Variants in ACER3 observed in about 807,000 individuals in gnomAD.
The protein encoded by ACER3 is alkCDase 3.
Under a neutral mutation model 48.9 loss-of-function variants are expected in ACER3, and 16 were observed. The ratio of observed to expected loss-of-function variants is 0.33; its 90% confidence interval spans 0.22 to 0.50. The LOEUF (loss-of-function observed/expected upper bound fraction) is 0.50. ACER3 is among the 20% of genes least tolerant of loss of function. The pLI is 0.98. For missense variants in ACER3, 227 were observed against 326.0 expected (o/e 0.70, Z 2.34); for synonymous variants, 109 against 107.8 (o/e 1.01, Z -0.07).
At chr11:76,932,200 G>T (rs373454447) in intron 2 of ACER3, among the ~76,000 whole-genome samples, 1 of 151,912 alleles carries the variant, frequency 6.6e-6, no homozygotes, top group South Asian at 2.1e-4. Flanking sequence ...TCTTCCTGCC[G>T]TGGCCTCCCA....
chr11:76,959,850 G>A (rs889440237), intron 3 of ACER3, among the ~76,000 whole-genome samples: 6 of 151,852 alleles, frequency 4.0e-5, no homozygotes, highest in African/African-American at 1.5e-4. Context: ...CACCGCACCC[G>A]GCCGTTAGTG....
intron 4 of ACER3, among the ~76,000 whole-genome samples, chr11:76,978,867 T>C (rs1241544806): frequency 1.3e-5 from 2 of 152,214 alleles, no homozygotes; most frequent in East Asian, 3.9e-4. Flanking sequence ...ACGGTGTATC[T>C]GATCAAACCG....
At chr11:76,997,862 C>T (rs1017178960) in intron 6 of ACER3, among the ~76,000 whole-genome samples, 25 of 152,048 alleles carry the variant, frequency 1.6e-4, no homozygotes, top group African/African-American at 5.6e-4. Flanking sequence ...CAAAATAAAA[C>T]TTAATGAAAA....
intron 6 of ACER3, among the ~76,000 whole-genome samples, chr11:76,991,094 G>A (rs1288956496): frequency 2.0e-5 from 3 of 152,078 alleles, no homozygotes; most frequent in Admixed American, 1.3e-4. Context: ...CCATGTGCCT[G>A]GTACTATGCT....
chr11:76,986,698 G>A (rs541256294), intron 5 of ACER3, among the ~76,000 whole-genome samples: 1 of 152,194 alleles, frequency 6.6e-6, no homozygotes, highest in African/African-American at 2.4e-5. Flanking sequence ...AATGAGTCTA[G>A]TGAATTAGAC....
intron 1 of ACER3, among the ~76,000 whole-genome samples, chr11:76,865,793 G>A (rs1404353059): frequency 1.3e-5 from 2 of 149,044 alleles, no homozygotes; most frequent in African/African-American, 4.9e-5. Flanking sequence ...ACAGGTGTGA[G>A]CCACCTTGCC....
intron 1 of ACER3, among the ~76,000 whole-genome samples, chr11:76,924,992 A>AAAAAAC: frequency 6.7e-6 from 1 of 148,660 alleles, no homozygotes; most frequent in Non-Finnish European, 1.5e-5. Context: ...AAAAAAAAAA[A>AAAAAAC]ACACCAAAAA....
At chr11:76,922,692 A>G (rs1026923943) in intron 1 of ACER3, among the ~76,000 whole-genome samples, 1 of 152,210 alleles carries the variant, frequency 6.6e-6, no homozygotes, top group Non-Finnish European at 1.5e-5. Flanking sequence ...CTATAAGGAC[A>G]GATAGACCTG....
chr11:77,004,737 G>A (rs1028236851), intron 7 of ACER3, among the ~76,000 whole-genome samples: 1 of 152,078 alleles, frequency 6.6e-6, no homozygotes, highest in Non-Finnish European at 1.5e-5. Flanking sequence ...TATTAGCATA[G>A]CATTGTTTCG....
At chr11:76,934,314 C>T (rs1022790374) in intron 2 of ACER3, among the ~76,000 whole-genome samples, 5 of 152,196 alleles carry the variant, frequency 3.3e-5, no homozygotes, top group African/African-American at 1.2e-4. Context: ...GCAATCTCGG[C>T]ACTTTGGGAG....
intron 1 of ACER3, among the ~76,000 whole-genome samples, chr11:76,892,471 G>A (rs994390607): frequency 2.0e-5 from 3 of 152,102 alleles, no homozygotes; most frequent in Non-Finnish European, 4.4e-5. Flanking sequence ...TATTTTAGTT[G>A]GATCACAGAG....
chr11:76,983,993 T>C (rs1325615398), intron 4 of ACER3, among the ~76,000 whole-genome samples: 1 of 152,084 alleles, frequency 6.6e-6, no homozygotes, highest in African/African-American at 2.4e-5. Context: ...TTTCACTGTG[T>C]TGGCCAGACT....
intron 1 of ACER3, among the ~76,000 whole-genome samples, chr11:76,926,264 G>A (rs751401341): frequency 2.0e-5 from 3 of 152,150 alleles, no homozygotes; most frequent in Non-Finnish European, 4.4e-5. Context: ...CTGTATCTCT[G>A]AGGTTCTTCC....
chr11:76,940,978 A>AG (rs1213941978), intron 2 of ACER3, among the ~76,000 whole-genome samples: 2 of 151,356 alleles, frequency 1.3e-5, no homozygotes, highest in Non-Finnish European at 2.9e-5. Flanking sequence ...TTTTACACTG[A>AG]GTTAAGTCTC....
chr11:76,974,959 C>T (rs1285412697), intron 3 of ACER3, among the ~76,000 whole-genome samples: 18 of 152,218 alleles, frequency 1.2e-4, no homozygotes, highest in African/African-American at 3.4e-4. Context: ...AGTGAGACTC[C>T]GTCTCAAACA....
rs1250266501 is a variant in ACER3, at chr11:76,990,591, T to G, written c.438+17T>G. On this transcript the variant is annotated intron_variant, in intron 6 of 10. Transcript: ENST00000532485. Reference sequence around the variant, plus strand: ...TTCCATCAGGTAATTTTTTGTAAATTATTACACATTAGATTGTTTACGATA... The same window carrying G: ...TTCCATCAGGTAATTTTTTGTAAATGATTACACATTAGATTGTTTACGATA... The G allele has an allele frequency of 7.2e-7, 1 of 1,397,140 alleles. No homozygotes were observed. The highest frequency in any genetic ancestry group is 1.2e-5 in the South Asian group (1 of 86,734). 86.5% of individuals were successfully genotyped at this position (1,397,140 alleles called of 1,614,324 possible).
intron 4 of ACER3, chr11:76,978,662 TC>T (rs1344393744): frequency 6.5e-6 from 1 of 153,158 alleles, no homozygotes; most frequent in Non-Finnish European, 1.5e-5. Flanking sequence ...CATATCCCTC[TC>T]CCCAGCTTGC....
At chr11:76,984,067 C>T (rs1211035480) in intron 4 of ACER3, among the ~76,000 whole-genome samples, 4 of 152,144 alleles carry the variant, frequency 2.6e-5, no homozygotes, top group Admixed American at 2.6e-4. Context: ...GGATTACAGG[C>T]GTGAGCCACC....
chr11:76,868,359 A>C (rs1270980891), intron 1 of ACER3: 19 of 1,121,680 alleles, frequency 1.7e-5, no homozygotes, highest in Non-Finnish European at 2.0e-5. Flanking sequence ...AGTGTACAAA[A>C]GAGTTTAGTT....
Sources: allele counts gnomAD v4.1 joint callset (sites outside exome capture counted in the v4.1 genomes callset), GRCh38; gene constraint gnomAD v4.1.1; transcripts MANE v1.5; gene names NCBI Gene and HGNC (gene_info 2026-07-23, HGNC 2026-07-21).